The following COL24A1 variants were observed in gnomAD, a reference collection of about 807,000 sequenced individuals.
COL24A1 encodes collagen alpha-1(XXIV) chain.
Under a neutral mutation model 253.9 loss-of-function variants are expected in COL24A1, and 224 were observed. The ratio of observed to expected loss-of-function variants is 0.88; its 90% confidence interval spans 0.79 to 0.99. COL24A1 has a LOEUF of 0.99. Ranked by LOEUF, COL24A1 falls within the 50% of genes least tolerant of loss-of-function variation. COL24A1 has a pLI of 0.00. For synonymous variants in COL24A1, 685 were observed against 673.7 expected (o/e 1.02, Z -0.26); for missense variants, 2,131 against 2,068.5 (o/e 1.03, Z -0.59).
intron 47 of COL24A1, among the ~76,000 whole-genome samples, chr1:85,803,456 A>T (rs536664802): frequency 2.3e-3 from 343 of 151,480 alleles, no homozygotes; most frequent in Middle Eastern, 6.9e-3. Context: ...CCATAAACAA[A>T]CAAAACAAAA....
intron 35 of COL24A1, among the ~76,000 whole-genome samples, chr1:85,869,274 C>T (rs1442417966): frequency 6.6e-6 from 1 of 151,998 alleles, no homozygotes; most frequent in Non-Finnish European, 1.5e-5. Flanking sequence ...TTAGAGTTTC[C>T]ATATTTTCTC....
chr1:85,763,618 A>T (rs138939351), intron 53 of COL24A1, among the ~76,000 whole-genome samples: 8,640 of 149,574 alleles, frequency 0.058, 359 homozygotes, highest in Middle Eastern at 0.092. Flanking sequence ...CAGCCTTCCG[A>T]GTAGCTGGGA....
At chr1:85,877,553 G>C (rs1571038791) in intron 32 of COL24A1, among the ~76,000 whole-genome samples, 1 of 152,114 alleles carries the variant, frequency 6.6e-6, no homozygotes, top group Non-Finnish European at 1.5e-5. Context: ...AGTAGAGATG[G>C]GATTTCACTA....
intron 27 of COL24A1, 89 bp downstream of exon 27, chr1:85,908,509 A>G: frequency 1.3e-6 from 1 of 752,220 alleles, no homozygotes; most frequent in East Asian, 3.0e-5. Flanking sequence ...CTTACTTTGA[A>G]TAAAAACCAA....
intron 31 of COL24A1, among the ~76,000 whole-genome samples, chr1:85,890,389 A>G (rs1259097932): frequency 6.8e-6 from 1 of 146,086 alleles, no homozygotes; most frequent in Non-Finnish European, 1.5e-5. Context: ...TAATTCCTCC[A>G]CATCCTTGGC....
At chr1:85,773,242 T>C (rs1185114584) in intron 53 of COL24A1, among the ~76,000 whole-genome samples, 1 of 152,200 alleles carries the variant, frequency 6.6e-6, no homozygotes, top group Admixed American at 6.5e-5. Flanking sequence ...TCTGTTTTGG[T>C]AACAGTACCA....
At chr1:85,776,844 A>T (rs1338681344) in intron 52 of COL24A1, among the ~76,000 whole-genome samples, 1 of 152,102 alleles carries the variant, frequency 6.6e-6, no homozygotes, top group Non-Finnish European at 1.5e-5. Context: ...AGCTAAGAAT[A>T]CTATCTTATC....
intron 59 of COL24A1, among the ~76,000 whole-genome samples, chr1:85,733,138 T>C (rs1347313789): frequency 2.6e-5 from 4 of 152,200 alleles, no homozygotes; most frequent in African/African-American, 7.2e-5. Flanking sequence ...TTGCTTATGA[T>C]TTTTCAAGCA....
intron 19 of COL24A1, among the ~76,000 whole-genome samples, chr1:86,011,086 G>T (rs967643724): frequency 2.0e-5 from 3 of 152,110 alleles, no homozygotes; most frequent in African/African-American, 7.2e-5. Context: ...GCTTTGCCCT[G>T]TAGAATAATT....
intron 37 of COL24A1, among the ~76,000 whole-genome samples, chr1:85,859,108 T>C (rs1480349543): frequency 1.3e-5 from 2 of 152,154 alleles, no homozygotes; most frequent in African/African-American, 2.4e-5. Context: ...CACATTAGAA[T>C]ACAAATTCCT....
chr1:85,828,180 C>T (rs1406298316), intron 43 of COL24A1, among the ~76,000 whole-genome samples: 1 of 151,944 alleles, frequency 6.6e-6, no homozygotes, highest in Non-Finnish European at 1.5e-5. Context: ...TCGTTATGTA[C>T]CCAGTAGTCA....
At chr1:85,829,177 T>G (rs1241381967) in intron 43 of COL24A1, among the ~76,000 whole-genome samples, 1 of 150,286 alleles carries the variant, frequency 6.7e-6, no homozygotes. Flanking sequence ...TCTCCTTCAC[T>G]TATGAAGCTT....
At chr1:85,991,738 G>A (rs960085812) in intron 19 of COL24A1, among the ~76,000 whole-genome samples, 3 of 151,976 alleles carry the variant, frequency 2.0e-5, no homozygotes, top group African/African-American at 7.2e-5. Context: ...AAAGTGGTAA[G>A]GTCAAGGATA....
intron 47 of COL24A1, among the ~76,000 whole-genome samples, chr1:85,790,658 T>C (rs1670183647): frequency 5.4e-5 from 1 of 18,516 alleles, no homozygotes; most frequent in Admixed American, 5.2e-4. Flanking sequence ...CACTTTATTT[T>C]ACGTATTACC....
At chr1:85,815,814 G>T (rs953483600) in intron 47 of COL24A1, among the ~76,000 whole-genome samples, 1 of 151,992 alleles carries the variant, frequency 6.6e-6, no homozygotes, top group Non-Finnish European at 1.5e-5. Context: ...TGGTTAATTC[G>T]TCTAATGTTT....
At chr1:86,082,038 A>G (rs1050649844) in intron 7 of COL24A1, among the ~76,000 whole-genome samples, 35 of 152,228 alleles carry the variant, frequency 2.3e-4, no homozygotes, top group Admixed American at 5.9e-4. Flanking sequence ...TATTCTACAT[A>G]GCACAAGGCA....
At chr1:85,967,846 T>TA (rs1691721702) in intron 22 of COL24A1, among the ~76,000 whole-genome samples, 1 of 152,086 alleles carries the variant, frequency 6.6e-6, no homozygotes. Context: ...GGTCAATACT[T>TA]AGTGTCAACT....
chr1:85,990,220 A>G (rs1018417712), intron 19 of COL24A1, among the ~76,000 whole-genome samples: 1 of 152,090 alleles, frequency 6.6e-6, no homozygotes, highest in African/African-American at 2.4e-5. Flanking sequence ...GCATTTACTC[A>G]TAGCATCTGC....
rs1327956875 is a variant in COL24A1 at position 85,803,860 on chromosome 1, C to G, written c.3951+12928G>C. The stretch of plus-strand genomic sequence containing the variant: ...TTTCTTGTTATTACACTGGCTAGAA[C>G]CTCATTGAATTGGCTACAACCTCAT... On this transcript the variant is annotated intron_variant, in intron 47 of 59. Coordinates refer to ENST00000370571, the MANE Select transcript of COL24A1 (RefSeq NM_152890.7). Among the ~76,000 whole-genome samples, 8 of 152,108 alleles carry G rather than the reference C, an allele frequency of 5.3e-5. No individual in the cohort carries two copies. The East Asian group carries it at 1.5e-3, about 29-fold the overall frequency.
Sources: allele counts gnomAD v4.1 joint callset (sites outside exome capture counted in the v4.1 genomes callset), GRCh38; gene constraint gnomAD v4.1.1; transcripts MANE v1.5; gene names NCBI Gene and HGNC (gene_info 2026-07-23, HGNC 2026-07-21).